PJA2: variants seen among roughly 807,000 people sequenced by gnomAD.
PJA2 encodes praja ring finger ubiquitin ligase 2.
In PJA2, 25 loss-of-function variants were observed where a neutral mutation model predicts 69.3. That is an observed-to-expected ratio of 0.36 (90% CI 0.26 to 0.50). The LOEUF is 0.50. Among genes scored for constraint, PJA2 ranks in the 20% least tolerant of loss-of-function variants. The pLI is 0.96. For synonymous variants in PJA2, 308 were observed against 277.8 expected (o/e 1.11, Z -1.08); for missense variants, 809 against 830.2 (o/e 0.97, Z 0.31).
chr5:109,394,230 T>C (rs1322410437), intron 1 of PJA2, among the ~76,000 whole-genome samples: 1 of 151,906 alleles, frequency 6.6e-6, no homozygotes, highest in Admixed American at 6.6e-5. Flanking sequence ...GTATTTTTAG[T>C]AGAGATGGGG....
intron 1 of PJA2, among the ~76,000 whole-genome samples, chr5:109,408,952 T>TA (rs1747756150): frequency 6.6e-6 from 1 of 152,244 alleles, no homozygotes; most frequent in Non-Finnish European, 1.5e-5. Context: ...ATGAAAATTT[T>TA]AAACTTCACA....
chr5:109,348,544 C>T (rs1762205072), intron 7 of PJA2, among the ~76,000 whole-genome samples: 1 of 152,152 alleles, frequency 6.6e-6, no homozygotes, highest in Admixed American at 6.5e-5. Flanking sequence ...CTCCTGTTAC[C>T]AGTAGAAACA....
chr5:109,373,087 G>A (rs551722422), intron 4 of PJA2, among the ~76,000 whole-genome samples: 4 of 151,952 alleles, frequency 2.6e-5, no homozygotes, highest in Non-Finnish European at 2.9e-5. Flanking sequence ...AAGCGAGACT[G>A]TCTCAATAAA....
At chr5:109,402,731 T>A (rs971995130) in intron 1 of PJA2, among the ~76,000 whole-genome samples, 1 of 152,138 alleles carries the variant, frequency 6.6e-6, no homozygotes, top group Non-Finnish European at 1.5e-5. Flanking sequence ...ACATGGGACA[T>A]TTACTGAGAG....
At chr5:109,366,165 T>C (rs1762583044) in intron 5 of PJA2, among the ~76,000 whole-genome samples, 1 of 100,638 alleles carries the variant, frequency 9.9e-6, no homozygotes, top group Admixed American at 9.8e-5. Context: ...AATATATTAA[T>C]TGGAAAGAGA....
intron 6 of PJA2, among the ~76,000 whole-genome samples, chr5:109,360,643 G>A (rs1488654796): frequency 6.6e-6 from 1 of 152,040 alleles, no homozygotes; most frequent in African/African-American, 2.4e-5. Flanking sequence ...TGTTGACATA[G>A]AGCAACCTTC....
At chr5:109,368,184 C>T (rs1762617165) in intron 5 of PJA2, among the ~76,000 whole-genome samples, 1 of 152,180 alleles carries the variant, frequency 6.6e-6, no homozygotes, top group South Asian at 2.1e-4. Context: ...TGAACACTAG[C>T]TTTTGCAACT....
intron 1 of PJA2, among the ~76,000 whole-genome samples, chr5:109,383,793 C>T (rs1395201231): frequency 6.6e-6 from 1 of 152,008 alleles, no homozygotes; most frequent in African/African-American, 2.4e-5. Context: ...ATTAGCCAGG[C>T]GTGGTGGTGC....
chr5:109,403,016 A>G (rs960025044), intron 1 of PJA2, among the ~76,000 whole-genome samples: 1 of 152,070 alleles, frequency 6.6e-6, no homozygotes, highest in Admixed American at 6.5e-5. Context: ...CAAAGCATAT[A>G]GAAAGAAATA....
rs1761912210 is a variant in PJA2, at chr5:109,334,935, A to C, written c.*2296T>G. 6.6e-6 allele frequency: 1 copy of C among 152,638 alleles called. No homozygotes were observed. Among genetic ancestry groups the C allele is most frequent in the South Asian group, 2.1e-4 (1 of 4,830 alleles). The allele number at this position is 152,638 out of a possible 1,614,324, so 9.5% of individuals were successfully genotyped here. A position where few individuals can be genotyped will look rare whatever the true frequency, so the allele number is the denominator to read the frequency against. On this transcript the variant is annotated 3_prime_UTR_variant, in exon 10 of 10. Transcript: ENST00000361189. ...AAGAAACACAAAGAATACCACATAG[A>C]TCTACCTTTAAATATCAGCATTCAT...
At position 109,388,602 on chromosome 5, in the gene PJA2, C is replaced by T. The variant is rs77144484; in HGVS notation, c.-87-5082G>A. Among the ~76,000 whole-genome samples, 12 of 150,240 alleles carry T rather than the reference C, an allele frequency of 8.0e-5. No homozygotes were observed. The South Asian group carries it at 1.7e-3, about 21-fold the overall frequency. On this transcript the variant is annotated intron_variant, in intron 1 of 9. Transcript: ENST00000361189. ...CCAGAAGAAGGGTTTCAACTGATAG[C>T]GTGGATCTACACCCTTATGACTCAT...
At chr5:109,389,933 T>C (rs1363373122) in intron 1 of PJA2, among the ~76,000 whole-genome samples, 1 of 151,728 alleles carries the variant, frequency 6.6e-6, no homozygotes, top group African/African-American at 2.4e-5. Context: ...TGGGTTGTAA[T>C]ATAATTCTAT....
At chr5:109,351,908 A>G (rs995212886) in intron 7 of PJA2, among the ~76,000 whole-genome samples, 3 of 152,174 alleles carry the variant, frequency 2.0e-5, no homozygotes, top group Non-Finnish European at 2.9e-5. Flanking sequence ...GTTTCATTTT[A>G]AAAAATGATT....
At chr5:109,342,474 G>T (rs1191389213) in intron 9 of PJA2, among the ~76,000 whole-genome samples, 4 of 127,484 alleles carry the variant, frequency 3.1e-5, no homozygotes, top group Admixed American at 7.3e-5. Flanking sequence ...GGAGGGAGGT[G>T]GGGGGGTCAG....
intron 6 of PJA2, among the ~76,000 whole-genome samples, chr5:109,356,265 A>G (rs1470454781): frequency 4.6e-5 from 7 of 152,150 alleles, no homozygotes; most frequent in African/African-American, 9.6e-5. Context: ...GCCAAACTCA[A>G]TGCACAAAAT....
chr5:109,368,134 A>G (rs967101120), intron 5 of PJA2, among the ~76,000 whole-genome samples: 9 of 152,192 alleles, frequency 5.9e-5, no homozygotes, highest in South Asian at 2.1e-4. Flanking sequence ...TCAATCACTG[A>G]TATTTTGGAG....
chr5:109,378,704 T>C lies in PJA2; in HGVS notation c.783A>G (p.Gln261=), dbSNP rs191409916. The C allele has an allele frequency of 4.3e-6, 7 of 1,613,682 alleles. No individual in the cohort carries two copies. Among genetic ancestry groups the C allele is most frequent in the Middle Eastern group, 1.6e-4 (1 of 6,062 alleles). ...GTTGTTTCGTACTAACCATTTCATCTTGAGAAGACCTCTGAATTTCCTGGC... is the reference window on the plus strand; with the variant it reads ...GTTGTTTCGTACTAACCATTTCATCCTGAGAAGACCTCTGAATTTCCTGGC... ...QNSQEIQRSS[Q]DEMVSTKQQN... Residue 261 remains glutamine (Q), a synonymous_variant, in exon 4 of 10, where the codon CAA becomes CAG. Coordinates refer to ENST00000361189, the MANE Select transcript of PJA2 (RefSeq NM_014819.5).
rs772626814 is a variant in PJA2, at chr5:109,368,599, G to C, written c.1431C>G (p.Gly477=). 2 of 1,613,728 alleles carry C rather than the reference G, an allele frequency of 1.2e-6. No homozygotes were observed. Among genetic ancestry groups the C allele is most frequent in the Admixed American group, 3.3e-5 (2 of 59,948 alleles). The stretch of plus-strand genomic sequence containing the variant: ...ATAATTCTTGGTTTTCTTCTTCAGG[G>C]CCACTGCTATCACTTTGTAGCTCAG... ...NEPELQSDSS[G]PEEENQELSL... The change falls in exon 5 of 10, where the codon GGC becomes GGG. Residue 477 remains glycine, a synonymous_variant. Coordinates refer to ENST00000361189, the MANE Select transcript of PJA2 (RefSeq NM_014819.5).
At position 109,368,773 on chromosome 5, in the gene PJA2, T is replaced by C. The variant is rs200811751; in HGVS notation, c.1284-27A>G. 5.5e-5 allele frequency: 88 copies of C among 1,587,856 alleles called. No individual in the cohort carries two copies. The African/African-American group carries it at 1.0e-3, about 18-fold the overall frequency. ...TGCAAATCAGAAGAGAAATAAACTA[T>C]CATAATGTGTTCAGTTATTTTTATC... is the stretch of plus-strand genomic sequence containing the variant. On this transcript the variant is annotated intron_variant, in intron 4 of 9. Coordinates refer to ENST00000361189, the MANE Select transcript of PJA2 (RefSeq NM_014819.5).
Sources: allele counts gnomAD v4.1 joint callset (sites outside exome capture counted in the v4.1 genomes callset), GRCh38; gene constraint gnomAD v4.1.1; transcripts MANE v1.5; gene names NCBI Gene and HGNC (gene_info 2026-07-23, HGNC 2026-07-21).